Variants in PGM3 observed in about 807,000 individuals in gnomAD.
The protein encoded by PGM3 is phosphoacetylglucosamine mutase.
PGM3 carries 40 observed loss-of-function variants against 66.2 expected under a neutral mutation model. The observed-to-expected ratio is 0.60, with a 90% CI of 0.47 to 0.79. The LOEUF is 0.79. Among genes scored for constraint, PGM3 ranks in the 30% least tolerant of loss-of-function variants. The pLI is 0.00. For missense variants in PGM3, 537 were observed against 643.4 expected, an observed-to-expected ratio of 0.83 and a Z score of 1.79; for synonymous variants, 191 against 224.2, an observed-to-expected ratio of 0.85 and a Z score of 1.32.
chr6:83,193,267 G>A (rs954117162), upstream of PGM3: 1 of 152,372 alleles, frequency 6.6e-6, no homozygotes, highest in Non-Finnish European at 1.5e-5. Flanking sequence ...CAGAACCGCA[G>A]ACGTGGCCCT....
At chr6:83,185,738 A>T (rs1478801630) in intron 4 of PGM3, among the ~76,000 whole-genome samples, 1 of 152,142 alleles carries the variant, frequency 6.6e-6, no homozygotes, top group African/African-American at 2.4e-5. Context: ...CAGCCTGGCG[A>T]CAAAGTGAGA....
downstream of PGM3, among the ~76,000 whole-genome samples, chr6:83,159,050 G>T (rs1783550546): frequency 1.3e-5 from 2 of 152,198 alleles, no homozygotes; most frequent in South Asian, 4.2e-4. Flanking sequence ...ATTAATGTAT[G>T]ACTAAATACA....
Position 83,188,601 on chromosome 6 carries a change from C to T in PGM3, c.389+13G>A. On this transcript the variant is annotated intron_variant, in intron 3 of 12. Coordinates refer to ENST00000513973, the MANE Select transcript of PGM3 (RefSeq NM_015599.3). ...CAAAGGTTTTTTTTTTTACCAGTAA[C>T]TCTTATCATCACCTGGTATCTCTAC... 1 of 1,583,534 alleles carries T rather than the reference C, an allele frequency of 6.3e-7. No individual in the cohort carries two copies.
downstream of PGM3, among the ~76,000 whole-genome samples, chr6:83,156,539 A>G (rs1288023659): frequency 1.3e-5 from 2 of 152,174 alleles, no homozygotes; most frequent in Non-Finnish European, 2.9e-5. Context: ...ATTTTCGGTA[A>G]CTTCATCAAG....
the PGM3 span, among the ~76,000 whole-genome samples, chr6:83,149,313 C>T: frequency 6.6e-6 from 1 of 152,134 alleles, no homozygotes; most frequent in Non-Finnish European, 1.5e-5. Flanking sequence ...AAATGTTAGT[C>T]ACCTATGACT....
chr6:83,173,543 T>C (rs891413469), intron 10 of PGM3, among the ~76,000 whole-genome samples: 2 of 152,110 alleles, frequency 1.3e-5, no homozygotes, highest in African/African-American at 4.8e-5. Context: ...ACTTATAAAA[T>C]GGAAATTACA....
chr6:83,158,501 T>C, downstream of PGM3: 2 of 1,235,130 alleles, frequency 1.6e-6, no homozygotes, highest in Non-Finnish European at 1.2e-6. Context: ...AAAATACAAC[T>C]TAAAGATAAC....
At position 83,165,824 on chromosome 6, in the gene PGM3, A is replaced by G; in HGVS notation, c.*3410T>C. 6.3e-6 allele frequency: 2 copies of G among 317,772 alleles called. No homozygotes were observed. The highest frequency in any genetic ancestry group is 5.8e-5 in the South Asian group (2 of 34,532). The allele number at this position is 317,772 out of a possible 1,614,324, so 19.7% of individuals were successfully genotyped here. A position where few individuals can be genotyped will look rare whatever the true frequency, so the allele number is the denominator to read the frequency against. ...AAGAATTGGGCCCTTTCTGGTGGCC[A>G]ATGCCGGCTGCAGGCATTGCAGTTT... is the stretch of plus-strand genomic sequence containing the variant. On this transcript the variant is annotated 3_prime_UTR_variant, in exon 13 of 13. Coordinates refer to ENST00000513973, the MANE Select transcript of PGM3 (RefSeq NM_015599.3).
chr6:83,155,116 G>A, the PGM3 span, among the ~76,000 whole-genome samples: 1 of 152,086 alleles, frequency 6.6e-6, no homozygotes, highest in East Asian at 1.9e-4. Flanking sequence ...AACTAAAGAA[G>A]CCAACCATGA....
the PGM3 span, chr6:83,152,159 T>C: frequency 2.0e-5 from 20 of 999,730 alleles, no homozygotes; most frequent in Non-Finnish European, 2.6e-5. Context: ...TTTTTTTCAG[T>C]GGGAAAAATA....
chr6:83,181,338 C>G lies in PGM3; in HGVS notation c.787+398G>C, dbSNP rs367795894. On this transcript the variant is annotated intron_variant, in intron 6 of 12. Transcript: ENST00000513973. Reference sequence around the variant, plus strand: ...CCCCAGACAAGCACTGGGAACAAAGCCTGCAAACTTGATAGAAATGCAAAT... The same window carrying G: ...CCCCAGACAAGCACTGGGAACAAAGGCTGCAAACTTGATAGAAATGCAAAT... Among the ~76,000 whole-genome samples, 8 of 152,158 alleles carry G rather than the reference C, an allele frequency of 5.3e-5. No homozygotes were observed. The East Asian group carries it at 1.3e-3, about 26-fold the overall frequency.
At chr6:83,176,119 A>G in intron 8 of PGM3, 59 bp from the exon 9 acceptor site, 1 of 926,936 alleles carries the variant, frequency 1.1e-6, no homozygotes. Flanking sequence ...TGTTTCTTGC[A>G]TACCTAGTAT....
the PGM3 span, chr6:83,151,500 A>T: frequency 1.1e-6 from 1 of 907,888 alleles, no homozygotes; most frequent in African/African-American, 1.7e-5. Flanking sequence ...AATCAAGACC[A>T]TTAAGCCGCT....
chr6:83,163,124 C>A (rs766967956), downstream of PGM3, among the ~76,000 whole-genome samples: 1 of 151,928 alleles, frequency 6.6e-6, no homozygotes, highest in Admixed American at 6.6e-5. Context: ...AAGGAATATG[C>A]GGTTATTCAT....
chr6:83,166,076 C>A lies in PGM3; in HGVS notation c.*3158G>T. The A allele has an allele frequency of 3.1e-6, 1 of 327,336 alleles. No homozygotes were observed. Among genetic ancestry groups the A allele is most frequent in the Non-Finnish European group, 5.6e-6 (1 of 179,202 alleles). 20.3% of individuals were successfully genotyped at this position (327,336 alleles called of 1,614,324 possible). A position where few individuals can be genotyped will look rare whatever the true frequency, so the allele number is the denominator to read the frequency against. ...AAAATCCACCTTTTGGCACACATCA[C>A]AATCCGATAGAGAAATGATTCATTA... On this transcript the variant is annotated 3_prime_UTR_variant, in exon 13 of 13. Coordinates refer to ENST00000513973, the MANE Select transcript of PGM3 (RefSeq NM_015599.3).
the PGM3 span, chr6:83,148,792 G>A: frequency 4.5e-6 from 7 of 1,560,716 alleles, no homozygotes; most frequent in African/African-American, 2.8e-5. Context: ...ATAGCTGGGC[G>A]TCACTGTTGA....
rs758033980 is a variant in PGM3, at chr6:83,190,960, C to A, written c.53G>T (p.Gly18Val). 2 of 1,613,988 alleles carry A rather than the reference C, an allele frequency of 1.2e-6. No individual in the cohort carries two copies. Among genetic ancestry groups the A allele is most frequent in the South Asian group, 1.1e-5 (1 of 91,086 alleles). ...AGCAGTCCCGTATTGAAGGATCAGT[C>A]CATTGGGCTTGGCGTGTAATGCTGA... The part of the protein sequence containing the change: ...KYSALHAKPN[G>V]LILQYGTAGF... Residue 18 changes from glycine to valine, a missense_variant, in exon 2 of 13, where the codon GGA (glycine) becomes GTA (valine). Physicochemically the swap from Gly to Val is moderately radical, Grantham distance 109. Coordinates refer to ENST00000513973, the MANE Select transcript of PGM3 (RefSeq NM_015599.3).
chr6:83,172,295 G>A lies in PGM3; in HGVS notation c.1243-236C>T, dbSNP rs74695781. ...TACACCTACAGTCCCAGCTACTCAG[G>A]AGAGGCTGAGATGGGATGATTACTT... On this transcript the variant is annotated intron_variant, in intron 10 of 12. Transcript: ENST00000513973. Among the ~76,000 whole-genome samples, 471 of 152,260 alleles carry A rather than the reference G, an allele frequency of 3.1e-3. 4 individuals are homozygous for A. The highest frequency in any genetic ancestry group is 0.011 in the African/African-American group (445 of 41,548).
intron 8 of PGM3, 86 bp downstream of exon 8, chr6:83,178,587 A>C: frequency 1.3e-6 from 1 of 796,058 alleles, no homozygotes; most frequent in South Asian, 1.4e-5. Context: ...GCACTACAAC[A>C]TAATCACTTT....
Sources: gnomAD v4.1 joint callset for allele counts (sites outside exome capture counted in the v4.1 genomes callset) on GRCh38, gnomAD v4.1.1 for gene constraint, MANE v1.5 for transcripts, NCBI Gene and HGNC (gene_info 2026-07-23, HGNC 2026-07-21) for gene names.